Variants in DOCK3 observed in about 807,000 individuals in gnomAD.
The protein encoded by DOCK3 is dedicator of cytokinesis protein 3.
Under a neutral mutation model 265.6 loss-of-function variants are expected in DOCK3, and 60 were observed. The ratio of observed to expected loss-of-function variants is 0.23; its 90% CI spans 0.18 to 0.28. The LOEUF (loss-of-function observed/expected upper bound fraction) is 0.28, where lower values mean the gene tolerates loss of function less well. DOCK3 is among the 10% of genes least tolerant of loss of function. The pLI is 1.00. For missense variants in DOCK3, 1,981 were observed against 2,594.3 expected, an observed-to-expected ratio of 0.76 and a Z score of 5.14; for synonymous variants, 881 against 938.0, an observed-to-expected ratio of 0.94 and a Z score of 1.11.
intron 4 of DOCK3, among the ~76,000 whole-genome samples, chr3:50,919,306 C>CTTGATGGGGATAGCA (rs2050302578): frequency 1.3e-5 from 2 of 152,102 alleles, no homozygotes; most frequent in Admixed American, 6.5e-5. Flanking sequence ...TTATTGGTAG[C>CTTGATGGGGATAGCA]TTGATGGGGA....
chr3:50,967,437 G>T (rs755111616), intron 5 of DOCK3, among the ~76,000 whole-genome samples: 17 of 152,058 alleles, frequency 1.1e-4, no homozygotes, highest in Non-Finnish European at 2.1e-4. Context: ...TTATATCCTG[G>T]CCATTGTGAA....
At chr3:50,798,214 C>A (rs779088217) in intron 2 of DOCK3, among the ~76,000 whole-genome samples, 3 of 152,128 alleles carry the variant, frequency 2.0e-5, no homozygotes, top group Non-Finnish European at 4.4e-5. Flanking sequence ...GATCTTGAGG[C>A]AAGAGTCATA....
intron 5 of DOCK3, among the ~76,000 whole-genome samples, chr3:51,050,522 T>A (rs2080957487): frequency 6.6e-6 from 1 of 152,126 alleles, no homozygotes; most frequent in Admixed American, 6.6e-5. Flanking sequence ...AAAGGAGATT[T>A]AGTCTAGAAA....
intron 1 of DOCK3, among the ~76,000 whole-genome samples, chr3:50,732,545 C>T (rs746555001): frequency 1.2e-4 from 18 of 152,208 alleles, no homozygotes; most frequent in South Asian, 8.3e-4. Context: ...CCTAGGACTA[C>T]GGGTGCACAC....
intron 6 of DOCK3, among the ~76,000 whole-genome samples, chr3:51,071,597 G>T (rs2081868301): frequency 6.6e-6 from 1 of 152,078 alleles, no homozygotes; most frequent in South Asian, 2.1e-4. Flanking sequence ...TACTGTGCTG[G>T]GTCCTTTATG....
intron 1 of DOCK3, among the ~76,000 whole-genome samples, chr3:50,757,096 A>G (rs1318830606): frequency 2.0e-5 from 3 of 149,528 alleles, no homozygotes; most frequent in Non-Finnish European, 2.9e-5. Flanking sequence ...CAAGCAATCC[A>G]TCTGCCTTGG....
chr3:51,032,380 G>C (rs1044526102), intron 5 of DOCK3, among the ~76,000 whole-genome samples: 3 of 152,058 alleles, frequency 2.0e-5, no homozygotes, highest in Non-Finnish European at 2.9e-5. Context: ...TTTTTATTGA[G>C]AAATAATTTA....
intron 10 of DOCK3, among the ~76,000 whole-genome samples, chr3:51,147,313 T>C (rs920323313): frequency 6.6e-6 from 1 of 152,172 alleles, no homozygotes; most frequent in South Asian, 2.1e-4. Flanking sequence ...CAAATACTAA[T>C]TGGGGGATTT....
chr3:50,983,094 T>C (rs1047005848), intron 5 of DOCK3, among the ~76,000 whole-genome samples: 6 of 152,160 alleles, frequency 3.9e-5, no homozygotes, highest in Non-Finnish European at 7.4e-5. Flanking sequence ...TGTGCATGCT[T>C]GAGGCAGTGC....
chr3:51,123,592 T>C (rs776539250), intron 9 of DOCK3, among the ~76,000 whole-genome samples: 2 of 152,212 alleles, frequency 1.3e-5, no homozygotes, highest in African/African-American at 2.4e-5. Context: ...TTGTGCTCTC[T>C]GTCTCACACA....
At position 51,374,684 on chromosome 3, in the gene DOCK3, GCT is replaced by G. The variant is rs2087953777; in HGVS notation, c.5412+103_5412+104del. 5 of 1,184,374 alleles carry G rather than the reference GCT, an allele frequency of 4.2e-6. No homozygotes were observed. The highest frequency in any genetic ancestry group is 3.0e-5 in the African/African-American group (2 of 65,708). The allele number at this position is 1,184,374 out of a possible 1,614,324, so 73.4% of individuals were successfully genotyped here. A position where few individuals can be genotyped will look rare whatever the true frequency, so the allele number is the denominator to read the frequency against. ...GGGGCCTTCTGCATTGTCCTACATGGCTCTCTCATTCCGCTGTAAGATCCCGC... is the reference window on the plus strand; with the variant it reads ...GGGGCCTTCTGCATTGTCCTACATGGCTCTCATTCCGCTGTAAGATCCCGC... On this transcript the variant is annotated intron_variant, in intron 50 of 52. Transcript: ENST00000266037. The surrounding 1 kb of genome is among the most constrained non-coding windows in gnomAD (Gnocchi z 4.8).
At chr3:51,240,155 A>G (rs1319399728) in intron 21 of DOCK3, among the ~76,000 whole-genome samples, 1 of 152,136 alleles carries the variant, frequency 6.6e-6, no homozygotes, top group Non-Finnish European at 1.5e-5. Flanking sequence ...TCTTTATTCT[A>G]ATTAGTTTCA....
chr3:51,315,949 T>C (rs2083338974), intron 32 of DOCK3, among the ~76,000 whole-genome samples: 1 of 152,180 alleles, frequency 6.6e-6, no homozygotes, highest in Non-Finnish European at 1.5e-5. Context: ...TTAGAATAGG[T>C]GACTGTAACA....
Position 51,312,796 on chromosome 3 carries a change from C to G in DOCK3, c.3195-48C>G. The G allele has an allele frequency of 2.5e-6, 4 of 1,573,974 alleles. No homozygotes were observed. In the South Asian group the frequency reaches 4.6e-5, roughly 18 times the overall value. Reference sequence around the variant, plus strand: ...CCTCATGGGTTTGCAGCCCTATCCTCCTGAACCTTCTCCCACTAACGGTTG... The same window carrying G: ...CCTCATGGGTTTGCAGCCCTATCCTGCTGAACCTTCTCCCACTAACGGTTG... On this transcript the variant is annotated intron_variant, in intron 30 of 52. Coordinates refer to ENST00000266037, the MANE Select transcript of DOCK3 (RefSeq NM_004947.5).
At chr3:51,191,048 C>T (rs557858183) in intron 12 of DOCK3, among the ~76,000 whole-genome samples, 7 of 152,290 alleles carry the variant, frequency 4.6e-5, no homozygotes, top group African/African-American at 1.7e-4. Context: ...CAAGGCAGGT[C>T]TCATACCTGC....
chr3:50,754,157 C>CA (rs71084110), intron 1 of DOCK3, among the ~76,000 whole-genome samples: 52,228 of 61,690 alleles, frequency 0.85, 23,065 homozygotes, highest in South Asian at 0.92. Context: ...GACTCTGTCT[C>CA]AAAAAAAAAA....
At chr3:50,730,614 G>A (rs1474727924) in intron 1 of DOCK3, among the ~76,000 whole-genome samples, 2 of 150,734 alleles carry the variant, frequency 1.3e-5, no homozygotes, top group African/African-American at 2.4e-5. Flanking sequence ...GGTCTCTTGA[G>A]GCCAAGAGTT....
At chr3:51,193,801 C>CTTTTT (rs36051516) in intron 12 of DOCK3, among the ~76,000 whole-genome samples, 16 of 126,654 alleles carry the variant, frequency 1.3e-4, no homozygotes, top group South Asian at 2.6e-4. Flanking sequence ...GGGCTTCTCT[C>CTTTTT]TTTTTTTTTT....
intron 1 of DOCK3, among the ~76,000 whole-genome samples, chr3:50,743,019 G>A (rs1651359403): frequency 6.6e-6 from 1 of 152,200 alleles, no homozygotes; most frequent in South Asian, 2.1e-4. Flanking sequence ...CAAGCCAGAA[G>A]AGAGTGGAGG....
Sources: allele counts gnomAD v4.1 joint callset (sites outside exome capture counted in the v4.1 genomes callset), GRCh38; gene constraint gnomAD v4.1.1; non-coding constraint Gnocchi (gnomAD v3.1); transcripts MANE v1.5; gene names NCBI Gene and HGNC (gene_info 2026-07-23, HGNC 2026-07-21).